The following CDH23 variants were observed in gnomAD, a reference collection of about 807,000 sequenced individuals.
The protein encoded by CDH23 is cadherin related 23.
In CDH23, 189 loss-of-function variants were observed where a neutral mutation model predicts 317.1. The ratio of observed to expected loss-of-function variants is 0.60; its 90% confidence interval spans 0.53 to 0.67. The LOEUF is 0.67. Among genes scored for constraint, CDH23 ranks in the 30% least tolerant of loss-of-function variants. The probability of loss-of-function intolerance (pLI) is 0.00; values close to 1 mark genes in which losing one functional copy is unlikely to be tolerated. For missense variants in CDH23, 4,401 were observed against 4,592.4 expected (o/e 0.96, Z 1.20); for synonymous variants, 1,839 against 1,876.8 (o/e 0.98, Z 0.52).
intron 47 of CDH23, among the ~76,000 whole-genome samples, chr10:71,792,583 G>A (rs1004338061): frequency 2.0e-5 from 3 of 151,776 alleles, no homozygotes; most frequent in African/African-American, 7.3e-5. Flanking sequence ...CCAGCAATTT[G>A]GGAGGCTGAG....
chr10:71,680,747 A>C (rs1864591252), intron 17 of CDH23, among the ~76,000 whole-genome samples: 1 of 91,318 alleles, frequency 1.1e-5, no homozygotes, highest in Admixed American at 1.2e-4. Context: ...ACTCCGTCTC[A>C]AAAAAAAAAA....
intron 3 of CDH23, among the ~76,000 whole-genome samples, chr10:71,490,126 G>T (rs1467707005): frequency 6.6e-6 from 1 of 151,978 alleles, no homozygotes; most frequent in Non-Finnish European, 1.5e-5. Flanking sequence ...ATGAAAACTT[G>T]GGTTTACCTG....
At chr10:71,444,086 C>T (rs1160768962) in intron 2 of CDH23, among the ~76,000 whole-genome samples, 1 of 152,260 alleles carries the variant, frequency 6.6e-6, no homozygotes, top group African/African-American at 2.4e-5. Context: ...TTTGCCTCGG[C>T]TGGGCTGCGT....
At chr10:71,513,174 T>A (rs1422209605) in intron 6 of CDH23, among the ~76,000 whole-genome samples, 4 of 152,182 alleles carry the variant, frequency 2.6e-5, no homozygotes, top group African/African-American at 4.8e-5. Context: ...TGTGTAAACA[T>A]CCCTGGTTGC....
intron 6 of CDH23, among the ~76,000 whole-genome samples, chr10:71,515,394 T>TCTCTCTCTCTCACACA (rs1491490493): frequency 9.7e-4 from 26 of 26,696 alleles, no homozygotes; most frequent in African/African-American, 2.2e-3. Context: ...TCTCTCTCTC[T>TCTCTCTCTCTCACACA]CACACACACA....
intron 2 of CDH23, among the ~76,000 whole-genome samples, chr10:71,444,151 C>T (rs781084888): frequency 4.6e-5 from 7 of 152,366 alleles, no homozygotes; most frequent in Non-Finnish European, 4.4e-5. Flanking sequence ...AAAGCCTTCC[C>T]GTCGGCTGCA....
intron 6 of CDH23, among the ~76,000 whole-genome samples, chr10:71,566,016 T>C (rs1249879703): frequency 6.6e-6 from 1 of 152,068 alleles, no homozygotes; most frequent in Admixed American, 6.5e-5. Context: ...GTTCAAGAAG[T>C]ATAAATAGCT....
chr10:71,737,982 C>T (rs1419146540), intron 34 of CDH23, among the ~76,000 whole-genome samples: 1 of 152,224 alleles, frequency 6.6e-6, no homozygotes, highest in Non-Finnish European at 1.5e-5. Context: ...ATTTCCTTCC[C>T]TCTAAGCCCA....
At chr10:71,688,131 T>C (rs1864982812) in intron 19 of CDH23, among the ~76,000 whole-genome samples, 2 of 152,146 alleles carry the variant, frequency 1.3e-5, no homozygotes, top group African/African-American at 4.8e-5. Context: ...CATGTGTTCC[T>C]ATGTGAGGAT....
At chr10:71,661,947 A>G (rs943526833) in intron 14 of CDH23, among the ~76,000 whole-genome samples, 4 of 140,568 alleles carry the variant, frequency 2.8e-5, no homozygotes, top group Non-Finnish European at 6.1e-5. Flanking sequence ...CCCTGCGCGC[A>G]CACACACAGA....
intron 28 of CDH23, among the ~76,000 whole-genome samples, chr10:71,723,566 G>C (rs1463167384): frequency 1.3e-5 from 2 of 152,180 alleles, no homozygotes; most frequent in African/African-American, 4.8e-5. Flanking sequence ...CTTCCACGAA[G>C]TGACCGTTAC....
intron 21 of CDH23, 30 bp downstream of exon 21, chr10:71,694,289 T>TC (rs1564737578): frequency 6.4e-7 from 1 of 1,550,486 alleles, no homozygotes; most frequent in Non-Finnish European, 8.9e-7. Context: ...GTGCCCCAGC[T>TC]CCCCCTCGCC....
In CDH23 at chr10:71,806,222, C is replaced by G. The variant is rs781575850; in HGVS notation, c.8119C>G (p.Pro2707Ala). The change falls in exon 57 of 70, where the codon CCG becomes GCG. Residue 2707 changes from proline to alanine, a missense_variant. Pro to Ala is a conservative substitution (Grantham distance 27). Transcript: ENST00000224721. The part of the protein sequence containing the change: ...GQPVPYETMQ[P>A]LQVALEDIDD... Reference sequence around the variant, plus strand: ...GCCAGTGCCATACGAGACTATGCAGCCGCTGCAGGTGGCCCTGGAGGACAT... The same window carrying G: ...GCCAGTGCCATACGAGACTATGCAGGCGCTGCAGGTGGCCCTGGAGGACAT... The G allele has an allele frequency of 6.3e-7, 1 of 1,579,440 alleles. No individual in the cohort carries two copies. The highest frequency in any genetic ancestry group is 1.2e-5 in the South Asian group (1 of 86,190).
chr10:71,708,627 C>T (rs1865870095), intron 26 of CDH23, among the ~76,000 whole-genome samples: 2 of 152,210 alleles, frequency 1.3e-5, no homozygotes, highest in African/African-American at 4.8e-5. Flanking sequence ...CATCTCACCT[C>T]CGAGATGAGG....
chr10:71,744,135 G>T (rs1839799866), intron 38 of CDH23, among the ~76,000 whole-genome samples: 1 of 152,184 alleles, frequency 6.6e-6, no homozygotes. Context: ...ATCATGGTCA[G>T]CATATTACTT....
At chr10:71,509,838 C>G (rs1853853783) in intron 3 of CDH23, 1 of 538,212 alleles carries the variant, frequency 1.9e-6, no homozygotes, top group Non-Finnish European at 3.3e-6. Flanking sequence ...TTTACACACT[C>G]AGAACATGGT....
rs555674993 is a variant in CDH23 at position 71,536,783 on chromosome 10, G to A, written c.429+25571G>A. On this transcript the variant is annotated intron_variant, in intron 6 of 69. Transcript: ENST00000224721. Reference sequence around the variant, plus strand: ...GGAGAAGGTCACAATGAAGAGAAGGGGCCAGGATCCCAAGTGGAGGAGGTG... The same window carrying A: ...GGAGAAGGTCACAATGAAGAGAAGGAGCCAGGATCCCAAGTGGAGGAGGTG... Among the ~76,000 whole-genome samples the A allele has an allele frequency of 2.6e-5, 4 of 152,208 alleles. No homozygotes were observed. The South Asian group carries it at 8.3e-4, about 32-fold the overall frequency.
intron 17 of CDH23, among the ~76,000 whole-genome samples, chr10:71,680,829 C>CTTTTTTTTTTTTTT (rs1312991062): frequency 1.4e-5 from 1 of 70,130 alleles, no homozygotes; most frequent in African/African-American, 6.0e-5. Context: ...TTTTCTTTTT[C>CTTTTTTTTTTTTTT]TTTTTTTTTT....
Position 71,647,175 on chromosome 10 carries a change from A to T in CDH23, c.1449+558A>T, listed in dbSNP as rs570193943. ...CTCATGTAACTCAAAAGTATAAGTG[A>T]TTTCAGGCCGGGCTCGGTGGCTCAC... On this transcript the variant is annotated intron_variant, in intron 14 of 69. Coordinates refer to ENST00000224721, the MANE Select transcript of CDH23 (RefSeq NM_022124.6). The T allele has an allele frequency of 2.1e-4, 179 of 848,430 alleles. No homozygotes were observed. The African/African-American group carries it at 3.1e-3, about 15-fold the overall frequency. The allele number at this position is 848,430 out of a possible 1,614,324, so 52.6% of individuals were successfully genotyped here. A position where few individuals can be genotyped will look rare whatever the true frequency, so the allele number is the denominator to read the frequency against.
Sources: allele counts gnomAD v4.1 joint callset (sites outside exome capture counted in the v4.1 genomes callset), GRCh38; gene constraint gnomAD v4.1.1; transcripts MANE v1.5; gene names NCBI Gene and HGNC (gene_info 2026-07-23, HGNC 2026-07-21).